The following THSD7B variants were observed in gnomAD, a reference collection of about 807,000 sequenced individuals.
THSD7B encodes thrombospondin type-1 domain-containing protein 7B.
In THSD7B, 138 loss-of-function variants were observed where a neutral mutation model predicts 213.6. The ratio of observed to expected loss-of-function variants is 0.65; its 90% confidence interval spans 0.56 to 0.74. The LOEUF (loss-of-function observed/expected upper bound fraction) is 0.74. Among genes scored for constraint, THSD7B ranks in the 30% least tolerant of loss-of-function variants. The probability of loss-of-function intolerance (pLI) is 0.00; values close to 1 mark genes in which losing one functional copy is unlikely to be tolerated. For synonymous variants in THSD7B, 742 were observed against 687.0 expected (o/e 1.08, Z -1.25); for missense variants, 1,931 against 1,991.5 (o/e 0.97, Z 0.58).
intron 12 of THSD7B, among the ~76,000 whole-genome samples, chr2:137,316,823 A>T (rs1274627459): frequency 6.6e-6 from 1 of 151,740 alleles, no homozygotes; most frequent in African/African-American, 2.4e-5. Flanking sequence ...GGTAATTTTG[A>T]TGGGGAGAGG....
At chr2:137,561,400 C>A (rs1391766197) in intron 15 of THSD7B, among the ~76,000 whole-genome samples, 1 of 152,044 alleles carries the variant, frequency 6.6e-6, no homozygotes, top group Non-Finnish European at 1.5e-5. Context: ...TTATCTCAAC[C>A]CTTTGCTCTT....
intron 7 of THSD7B, among the ~76,000 whole-genome samples, chr2:137,214,024 T>G (rs1681178755): frequency 6.6e-6 from 1 of 152,112 alleles, no homozygotes; most frequent in African/African-American, 2.4e-5. Context: ...ATAATAATAA[T>G]GGTAATAAAT....
chr2:137,415,055 C>CAAAA (rs56403642), intron 14 of THSD7B, among the ~76,000 whole-genome samples: 239 of 122,790 alleles, frequency 1.9e-3, no homozygotes, highest in African/African-American at 6.0e-3. Context: ...GACCCTGTCT[C>CAAAA]AAAAAAAAAA....
intron 12 of THSD7B, among the ~76,000 whole-genome samples, chr2:137,298,593 G>A (rs1683521927): frequency 6.6e-6 from 1 of 152,154 alleles, no homozygotes; most frequent in South Asian, 2.1e-4. Context: ...GGAGAAAAAA[G>A]AGGTTTCGTG....
At chr2:136,848,340 G>C (rs1683042981) in intron 1 of THSD7B, among the ~76,000 whole-genome samples, 1 of 152,050 alleles carries the variant, frequency 6.6e-6, no homozygotes. Flanking sequence ...CTTGGGGTTT[G>C]GGAATTAGTA....
chr2:137,592,579 C>T (rs1235103120), intron 17 of THSD7B, among the ~76,000 whole-genome samples: 1 of 151,846 alleles, frequency 6.6e-6, no homozygotes, highest in African/African-American at 2.4e-5. Context: ...ATTCCTAAAT[C>T]ACTTCTCATT....
chr2:136,860,864 A>G (rs976008799), intron 1 of THSD7B, among the ~76,000 whole-genome samples: 2 of 152,222 alleles, frequency 1.3e-5, no homozygotes, highest in Admixed American at 1.3e-4. Context: ...CCCTGGGCCT[A>G]CTCTGATGCT....
chr2:136,941,366 T>C (rs1320805252), intron 2 of THSD7B, among the ~76,000 whole-genome samples: 1 of 152,226 alleles, frequency 6.6e-6, no homozygotes, highest in South Asian at 2.1e-4. Context: ...TTTGGGTATA[T>C]ATCCAGTAAT....
chr2:137,267,744 G>A (rs1330529185), intron 10 of THSD7B, among the ~76,000 whole-genome samples: 1 of 152,144 alleles, frequency 6.6e-6, no homozygotes, highest in Admixed American at 6.5e-5. Flanking sequence ...TACGTAAAAT[G>A]CCCAGGCATG....
chr2:137,376,485 T>C lies in THSD7B; in HGVS notation c.2501-29128T>C, dbSNP rs1685658929. On this transcript the variant is annotated intron_variant, in intron 12 of 27. Coordinates refer to ENST00000409968, the MANE Select transcript of THSD7B (RefSeq NM_001316349.2). Reference sequence around the variant, plus strand: ...AATTACACAGCCCATTTTTTTCTTCTGATTTGGAAGTTAGTTGCACAACAG... The same window carrying C: ...AATTACACAGCCCATTTTTTTCTTCCGATTTGGAAGTTAGTTGCACAACAG... Among the ~76,000 whole-genome samples the C allele has an allele frequency of 2.0e-5, 3 of 152,328 alleles. No individual in the cohort carries two copies. The South Asian group carries it at 6.2e-4, about 32-fold the overall frequency.
At chr2:137,062,005 C>T (rs554130854) in intron 3 of THSD7B, among the ~76,000 whole-genome samples, 1 of 151,876 alleles carries the variant, frequency 6.6e-6, no homozygotes, top group South Asian at 2.1e-4. Flanking sequence ...TTACTAAATA[C>T]TGGTTTAATT....
At chr2:137,155,944 T>C (rs964231430) in intron 5 of THSD7B, 4 of 152,166 alleles carry the variant, frequency 2.6e-5, no homozygotes, top group Non-Finnish European at 5.9e-5. Flanking sequence ...CCAAGAAGGA[T>C]AGACAGAGAT....
chr2:137,269,507 G>C (rs371657547), intron 10 of THSD7B, among the ~76,000 whole-genome samples: 9 of 152,058 alleles, frequency 5.9e-5, no homozygotes, highest in African/African-American at 2.2e-4. Context: ...CATCCCTTTC[G>C]TTTTTTTCTA....
At chr2:137,002,769 C>T (rs948648685) in intron 2 of THSD7B, among the ~76,000 whole-genome samples, 1 of 151,874 alleles carries the variant, frequency 6.6e-6, no homozygotes, top group Non-Finnish European at 1.5e-5. Context: ...CCTTTTTTTG[C>T]CTTAATTCTC....
At chr2:137,572,778 A>G (rs1285852200) in intron 17 of THSD7B, among the ~76,000 whole-genome samples, 1 of 152,188 alleles carries the variant, frequency 6.6e-6, no homozygotes, top group South Asian at 2.1e-4. Context: ...CCTTTATCAC[A>G]GTTACATGAA....
At chr2:137,046,456 G>A (rs1208741798) in intron 2 of THSD7B, among the ~76,000 whole-genome samples, 1 of 152,134 alleles carries the variant, frequency 6.6e-6, no homozygotes, top group African/African-American at 2.4e-5. Context: ...CCAGCGGGGT[G>A]TGGTGGCTCA....
At chr2:137,210,144 A>G (rs1309588970) in intron 7 of THSD7B, among the ~76,000 whole-genome samples, 2 of 152,078 alleles carry the variant, frequency 1.3e-5, no homozygotes, top group South Asian at 2.1e-4. Flanking sequence ...CTGTTGTTCA[A>G]GCTACTCAGT....
chr2:137,635,739 C>T (rs575483132), intron 20 of THSD7B, among the ~76,000 whole-genome samples: 216 of 149,192 alleles, frequency 1.4e-3, no homozygotes, highest in African/African-American at 4.9e-3. Context: ...TTTTTTTAAA[C>T]GGAGTCACAG....
chr2:137,227,317 G>A (rs999407718), intron 7 of THSD7B, among the ~76,000 whole-genome samples: 2 of 152,178 alleles, frequency 1.3e-5, no homozygotes, highest in African/African-American at 4.8e-5. Flanking sequence ...CACAAGGAGA[G>A]AACAGGGAGT....
Sources: allele counts gnomAD v4.1 joint callset (sites outside exome capture counted in the v4.1 genomes callset), GRCh38; gene constraint gnomAD v4.1.1; transcripts MANE v1.5; gene names NCBI Gene and HGNC (gene_info 2026-07-23, HGNC 2026-07-21).